Variants in SPATS2 observed in about 807,000 individuals in gnomAD.
SPATS2 encodes spermatogenesis-associated serine-rich protein 2.
SPATS2 carries 38 observed loss-of-function variants against 63.7 expected under a neutral mutation model. The observed-to-expected ratio is 0.60, with a 90% CI of 0.46 to 0.78. SPATS2 has a LOEUF of 0.78. SPATS2 is among the 30% of genes least tolerant of loss of function. The pLI is 0.00. For synonymous variants in SPATS2, 207 were observed against 232.9 expected, an observed-to-expected ratio of 0.89 and a Z score of 1.01; for missense variants, 588 against 666.2, an observed-to-expected ratio of 0.88 and a Z score of 1.29.
At chr12:49,418,542 C>T (rs1944930132) in intron 2 of SPATS2, among the ~76,000 whole-genome samples, 2 of 152,028 alleles carry the variant, frequency 1.3e-5, no homozygotes, top group African/African-American at 4.8e-5. Context: ...TCAGGTTATC[C>T]GCCTCCCTCA....
chr12:49,450,712 T>C (rs896096595), intron 2 of SPATS2, among the ~76,000 whole-genome samples: 6 of 150,592 alleles, frequency 4.0e-5, no homozygotes, highest in African/African-American at 1.5e-4. Flanking sequence ...CCCAGCTAAT[T>C]TTTGTATTTT....
chr12:49,513,233 G>A (rs1374895785), intron 9 of SPATS2, among the ~76,000 whole-genome samples: 1 of 151,616 alleles, frequency 6.6e-6, no homozygotes, highest in Non-Finnish European at 1.5e-5. Flanking sequence ...GTGTGTGTGT[G>A]TGTTTGAGTG....
chr12:49,464,430 A>G lies in SPATS2; in HGVS notation c.25+3393A>G, dbSNP rs1185336087. 1.0e-4 allele frequency among the ~76,000 whole-genome samples: 15 copies of G among 150,150 alleles called. No individual in the cohort carries two copies. The Admixed American group carries it at 1.0e-3, about 10-fold the overall frequency. On this transcript the variant is annotated intron_variant, in intron 3 of 13. Transcript: ENST00000552918. ...AGGTTGGGAGTTCGAGACTAGCCTA[A>G]CCAACATGGAGAAACCCTGTCTCTG...
chr12:49,406,835 G>A (rs148649641), intron 2 of SPATS2, among the ~76,000 whole-genome samples: 131 of 152,116 alleles, frequency 8.6e-4, no homozygotes, highest in African/African-American at 3.0e-3. Flanking sequence ...AAAGTGAGGC[G>A]TTCTTATTCT....
intron 6 of SPATS2, among the ~76,000 whole-genome samples, chr12:49,492,453 C>T (rs936504666): frequency 7.2e-5 from 11 of 151,876 alleles, no homozygotes; most frequent in African/African-American, 1.2e-4. Context: ...AACGCCTGAC[C>T]CCAAGTGATC....
At chr12:49,466,051 C>T (rs1444723829) in intron 3 of SPATS2, among the ~76,000 whole-genome samples, 4 of 147,632 alleles carry the variant, frequency 2.7e-5, no homozygotes, top group Admixed American at 6.8e-5. Flanking sequence ...GTTTTGGTAT[C>T]GTGTCTGAGA....
intron 9 of SPATS2, among the ~76,000 whole-genome samples, chr12:49,509,280 T>G (rs1592470850): frequency 7.8e-6 from 1 of 127,826 alleles, no homozygotes; most frequent in Non-Finnish European, 1.7e-5. Flanking sequence ...CTTCTTTTTT[T>G]TTTTTTTTTT....
At chr12:49,395,991 G>A (rs1306567969) in intron 2 of SPATS2, among the ~76,000 whole-genome samples, 5 of 152,190 alleles carry the variant, frequency 3.3e-5, no homozygotes, top group Middle Eastern at 3.2e-3. Flanking sequence ...CCTCATATAA[G>A]TGGTATCATG....
chr12:49,483,185 C>A (rs1187642176), intron 3 of SPATS2, among the ~76,000 whole-genome samples: 1 of 148,794 alleles, frequency 6.7e-6, no homozygotes, highest in Non-Finnish European at 1.5e-5. Flanking sequence ...TAATAGAACC[C>A]AAAATGCTGT....
intron 7 of SPATS2, among the ~76,000 whole-genome samples, chr12:49,495,425 C>T (rs931396058): frequency 3.7e-4 from 56 of 152,052 alleles, no homozygotes; most frequent in African/African-American, 1.3e-3. Flanking sequence ...TCTTGATCTC[C>T]TGACCTCATG....
At chr12:49,416,911 T>C (rs1944898919) in intron 2 of SPATS2, among the ~76,000 whole-genome samples, 1 of 152,172 alleles carries the variant, frequency 6.6e-6, no homozygotes, top group African/African-American at 2.4e-5. Context: ...CAAACGTATT[T>C]TAAAACACCA....
chr12:49,486,778 C>CAA (rs555485566), intron 4 of SPATS2, among the ~76,000 whole-genome samples: 1 of 96,786 alleles, frequency 1.0e-5, no homozygotes, highest in African/African-American at 4.0e-5. Flanking sequence ...GAGACTCCGT[C>CAA]AAAAAAAAAA....
chr12:49,439,615 T>C (rs1945380427), intron 2 of SPATS2, among the ~76,000 whole-genome samples: 3 of 151,994 alleles, frequency 2.0e-5, no homozygotes, highest in Admixed American at 2.0e-4. Context: ...GTTGGGTGAG[T>C]GGTTAGTACC....
At chr12:49,390,195 T>C (rs1274733137) in intron 2 of SPATS2, 9 of 1,254,710 alleles carry the variant, frequency 7.2e-6, no homozygotes, top group Non-Finnish European at 1.0e-5. Context: ...GCTTCTTACA[T>C]GGCTCCCAGT....
rs181095984 is a variant in SPATS2, at chr12:49,489,284, C to T, written c.106-181C>T. Among the ~76,000 whole-genome samples, 482 of 152,322 alleles carry T rather than the reference C, an allele frequency of 3.2e-3. 8 individuals are homozygous for T. The highest frequency in any genetic ancestry group is 0.011 in the African/African-American group (456 of 41,580). ...AGTTTTGAAATTAATTTTTCACATG[C>T]TGTTATCACTCATCTATTAATCATT... On this transcript the variant is annotated intron_variant, in intron 4 of 13. Transcript: ENST00000552918.
chr12:49,525,128 G>T (rs1371868635), intron 13 of SPATS2, among the ~76,000 whole-genome samples: 1 of 152,202 alleles, frequency 6.6e-6, no homozygotes, highest in Non-Finnish European at 1.5e-5. Context: ...TGTTGGCAGT[G>T]ATCCCTGCTG....
intron 2 of SPATS2, among the ~76,000 whole-genome samples, chr12:49,409,500 T>A (rs765025562): frequency 6.6e-6 from 1 of 150,938 alleles, no homozygotes; most frequent in Non-Finnish European, 1.5e-5. Context: ...AGAGATGGGG[T>A]TTCACTGTGT....
chr12:49,467,150 G>A (rs1352493702), intron 3 of SPATS2, among the ~76,000 whole-genome samples: 4 of 148,274 alleles, frequency 2.7e-5, no homozygotes, highest in Admixed American at 6.8e-5. Context: ...CCAGGTTCAG[G>A]AGATTTCCCC....
At chr12:49,503,375 C>T (rs779864613) in intron 9 of SPATS2, among the ~76,000 whole-genome samples, 20 of 145,310 alleles carry the variant, frequency 1.4e-4, no homozygotes, top group Non-Finnish European at 2.3e-4. Context: ...AAGAGCTGGG[C>T]GCGGTGGCTC....
Sources: allele counts gnomAD v4.1 joint callset (sites outside exome capture counted in the v4.1 genomes callset), GRCh38; gene constraint gnomAD v4.1.1; transcripts MANE v1.5; gene names NCBI Gene and HGNC (gene_info 2026-07-23, HGNC 2026-07-21).